PPARD: variants seen among roughly 807,000 people sequenced by gnomAD.
The protein encoded by PPARD is peroxisome proliferator-activated receptor delta.
A neutral mutation model predicts 39.5 loss-of-function variants in PPARD; 6 were observed. The observed-to-expected ratio is 0.15, with a 90% CI of 0.08 to 0.30. The LOEUF is 0.30. PPARD is among the 10% of genes least tolerant of loss of function. The pLI is 1.00. For missense variants in PPARD, 397 were observed against 596.8 expected, an observed-to-expected ratio of 0.67 and a Z score of 3.49; for synonymous variants, 210 against 231.3, an observed-to-expected ratio of 0.91 and a Z score of 0.83.
chr6:35,389,816 T>C (rs374146959), intron 2 of PPARD, among the ~76,000 whole-genome samples: 2 of 152,258 alleles, frequency 1.3e-5, no homozygotes, highest in Non-Finnish European at 1.5e-5. Context: ...CCTGGGAAAA[T>C]ACAGGAACTG....
chr6:35,374,308 T>TGGGGGGG (rs750412240), intron 2 of PPARD, among the ~76,000 whole-genome samples: 1 of 126,158 alleles, frequency 7.9e-6, no homozygotes, highest in African/African-American at 4.5e-5. Flanking sequence ...TTCTCGGCGG[T>TGGGGGGG]GGGGCGGGGG....
chr6:35,413,308 T>G (rs182580427), intron 3 of PPARD, among the ~76,000 whole-genome samples: 1 of 152,208 alleles, frequency 6.6e-6, no homozygotes, highest in Non-Finnish European at 1.5e-5. Flanking sequence ...ACCAGTCACA[T>G]GGTACTATGT....
At chr6:35,353,249 C>G (rs1761367934) in intron 2 of PPARD, among the ~76,000 whole-genome samples, 1 of 152,022 alleles carries the variant, frequency 6.6e-6, no homozygotes, top group Non-Finnish European at 1.5e-5. Context: ...GTTAATATTG[C>G]AAAAAGGTAG....
intron 2 of PPARD, among the ~76,000 whole-genome samples, chr6:35,374,315 G>GT (rs1762668206): frequency 6.6e-6 from 1 of 150,750 alleles, no homozygotes; most frequent in African/African-American, 2.5e-5. Context: ...CGGTGGGGCG[G>GT]GGGGGTTTAG....
chr6:35,349,354 A>G (rs772640786), intron 2 of PPARD, among the ~76,000 whole-genome samples: 2 of 152,066 alleles, frequency 1.3e-5, no homozygotes, highest in Non-Finnish European at 2.9e-5. Context: ...GGGTACTGCT[A>G]TATCACCTAG....
intron 3 of PPARD, among the ~76,000 whole-genome samples, chr6:35,415,778 C>CTG (rs369825175): frequency 0.072 from 10,310 of 143,790 alleles, 462 homozygotes; most frequent in Non-Finnish European, 0.088. Context: ...GAAGGAGAAC[C>CTG]TGTGTGTGTG....
rs1764682943 is a variant in PPARD at position 35,401,362 on chromosome 6, T to TA, written c.-101-9624dup. On this transcript the variant is annotated intron_variant, in intron 2 of 7. Transcript: ENST00000360694. The surrounding 1 kb of genome is among the most constrained non-coding windows in gnomAD (Gnocchi z 4.1). ...CTGGCTGAAATCATCTTCAGTCTGTTATCACCTTCAGTCTGTTCTCATCTT... is the reference window on the plus strand; with the variant it reads ...CTGGCTGAAATCATCTTCAGTCTGTTAATCACCTTCAGTCTGTTCTCATCTT... Among the ~76,000 whole-genome samples, 1 of 152,218 alleles carries TA rather than the reference T, an allele frequency of 6.6e-6. No individual in the cohort carries two copies. Among genetic ancestry groups the TA allele is most frequent in the Non-Finnish European group, 1.5e-5 (1 of 68,032 alleles).
At chr6:35,398,310 G>A (rs1764475621) in intron 2 of PPARD, among the ~76,000 whole-genome samples, 1 of 152,194 alleles carries the variant, frequency 6.6e-6, no homozygotes. Context: ...GGTCATAGCA[G>A]TAGAGGTGGT....
chr6:35,416,392 A>AG (rs1562220495), intron 3 of PPARD, among the ~76,000 whole-genome samples: 2 of 149,068 alleles, frequency 1.3e-5, no homozygotes, highest in African/African-American at 2.5e-5. Flanking sequence ...AAAAAAAAAA[A>AG]AAAAAAAAAA....
intron 2 of PPARD, among the ~76,000 whole-genome samples, chr6:35,407,175 A>T (rs889874807): frequency 6.6e-6 from 1 of 152,158 alleles, no homozygotes; most frequent in African/African-American, 2.4e-5. Context: ...GCAGTATTGT[A>T]GCTTTTCCTC....
chr6:35,415,500 G>GT (rs1271495853), intron 3 of PPARD, among the ~76,000 whole-genome samples: 3 of 152,234 alleles, frequency 2.0e-5, no homozygotes, highest in Non-Finnish European at 4.4e-5. Flanking sequence ...TGCTGAACTT[G>GT]TCATCAAAGA....
chr6:35,416,374 C>CAAA (rs1170617869), intron 3 of PPARD, among the ~76,000 whole-genome samples: 2 of 52,580 alleles, frequency 3.8e-5, no homozygotes, highest in African/African-American at 6.7e-5. Flanking sequence ...GACTTCATCT[C>CAAA]AAAAAAAAAA....
At chr6:35,407,862 T>C (rs1348120289) in intron 2 of PPARD, among the ~76,000 whole-genome samples, 7 of 150,406 alleles carry the variant, frequency 4.7e-5, no homozygotes. Flanking sequence ...ATTGCTAGGG[T>C]CCTTTTTCCA....
chr6:35,355,598 CTTT>C (rs1166499750), intron 2 of PPARD, among the ~76,000 whole-genome samples: 2 of 33,462 alleles, frequency 6.0e-5, no homozygotes, highest in African/African-American at 3.8e-4. Context: ...TCTTCTTCTT[CTTT>C]TTTTTTTTTT....
intron 1 of PPARD, among the ~76,000 whole-genome samples, chr6:35,345,962 C>A (rs1308693722): frequency 1.3e-5 from 2 of 151,294 alleles, no homozygotes; most frequent in Non-Finnish European, 2.9e-5. Flanking sequence ...CTGCAAGCTC[C>A]ATCTCCCAGG....
At chr6:35,384,967 G>A (rs1215877068) in intron 2 of PPARD, among the ~76,000 whole-genome samples, 2 of 137,844 alleles carry the variant, frequency 1.5e-5, no homozygotes, top group Non-Finnish European at 3.1e-5. Context: ...GAGGTGGGGG[G>A]GTCAGCCCCC....
rs115102506 is a variant in PPARD, at chr6:35,420,046, C to T, written c.131-81C>T. ...CCACACAGCTGTTAAGTGGCTGAGG[C>T]GAGGGCTGTGGGGCTGTTCCCACGC... is the stretch of plus-strand genomic sequence containing the variant. On this transcript the variant is annotated intron_variant, in intron 3 of 7. Coordinates refer to ENST00000360694, the MANE Select transcript of PPARD (RefSeq NM_006238.5). 2.4e-3 allele frequency: 3,609 copies of T among 1,513,572 alleles called. 8 individuals carry two copies. The highest frequency in any genetic ancestry group is 6.7e-3 in the Admixed American group (356 of 53,286). The allele number at this position is 1,513,572 out of a possible 1,614,324, so 93.8% of individuals were successfully genotyped here. A position where few individuals can be genotyped will look rare whatever the true frequency, so the allele number is the denominator to read the frequency against.
At position 35,384,970 on chromosome 6, in the gene PPARD, C is replaced by T. The variant is rs1262062395; in HGVS notation, c.-101-26017C>T. The stretch of plus-strand genomic sequence containing the variant: ...CCATCCGGGAGGGAGGTGGGGGGGT[C>T]AGCCCCCCGCCGGGCCAGCCGCCCC... On this transcript the variant is annotated intron_variant, in intron 2 of 7. Coordinates refer to ENST00000360694, the MANE Select transcript of PPARD (RefSeq NM_006238.5). Among the ~76,000 whole-genome samples, 56 of 135,376 alleles carry T rather than the reference C, an allele frequency of 4.1e-4. 1 individual carries two copies. The South Asian group carries it at 0.011, about 27-fold the overall frequency. The allele number at this position is 135,376 out of a possible 152,430, so 88.8% of individuals were successfully genotyped here.
intron 2 of PPARD, among the ~76,000 whole-genome samples, chr6:35,351,653 A>G (rs938958103): frequency 6.6e-6 from 1 of 152,014 alleles, no homozygotes; most frequent in African/African-American, 2.4e-5. Flanking sequence ...TTCTGGGCTC[A>G]AGTAATCCTC....
Sources: allele counts gnomAD v4.1 joint callset (sites outside exome capture counted in the v4.1 genomes callset), GRCh38; gene constraint gnomAD v4.1.1; non-coding constraint Gnocchi (gnomAD v3.1); transcripts MANE v1.5; gene names NCBI Gene and HGNC (gene_info 2026-07-23, HGNC 2026-07-21).